The following KDM6A variants were observed in gnomAD, a reference collection of about 807,000 sequenced individuals.
KDM6A encodes the protein lysine demethylase 6A, also known as lysine-specific demethylase 6A.
A neutral mutation model predicts 117.6 loss-of-function variants in KDM6A; 11 were observed. The ratio of observed to expected loss-of-function variants is 0.09; its 90% CI spans 0.06 to 0.15. The LOEUF (loss-of-function observed/expected upper bound fraction) is 0.15, where lower values mean the gene tolerates loss of function less well. Among genes scored for constraint, KDM6A ranks in the 10% least tolerant of loss-of-function variants. The probability of loss-of-function intolerance (pLI) is 1.00; values close to 1 mark genes in which losing one functional copy is unlikely to be tolerated. For missense variants in KDM6A, 799 were observed against 1,077.3 expected (o/e 0.74, Z 3.62); for synonymous variants, 384 against 396.1 (o/e 0.97, Z 0.36).
intron 12 of KDM6A, 22 bp downstream of exon 12, chrX:45,059,488 T>A (rs2044216871): frequency 9.2e-7 from 1 of 1,081,170 alleles, no homozygotes; most frequent in African/African-American, 1.8e-5. Flanking sequence ...AAATGGCAGT[T>A]TTTTAAAGCC....
intron 24 of KDM6A, among the ~76,000 whole-genome samples, chrX:45,084,607 A>T (rs751432545): frequency 1.7e-4 from 19 of 111,240 alleles, no homozygotes; most frequent in African/African-American, 6.2e-4. Context: ...TGCTGATTTG[A>T]TTCTCTTGTC....
At chrX:44,995,185 C>T in intron 4 of KDM6A, among the ~76,000 whole-genome samples, 1 of 111,043 alleles carries the variant, frequency 9.0e-6, no homozygotes, top group Middle Eastern at 4.7e-3. Context: ...TTGGGTACAA[C>T]TCTGTGTGGT....
At chrX:44,933,565 G>A (rs1022426503) in intron 2 of KDM6A, among the ~76,000 whole-genome samples, 2 of 101,187 alleles carry the variant, frequency 2.0e-5, no homozygotes, top group Admixed American at 2.1e-4. Context: ...GAGCTACTGC[G>A]CCTGGCCGAT....
chrX:45,045,501 G>C (rs762220482), intron 8 of KDM6A, among the ~76,000 whole-genome samples: 1 of 105,943 alleles, frequency 9.4e-6, no homozygotes, highest in Admixed American at 1.0e-4. Flanking sequence ...CAGGAGAATC[G>C]CTTGAATCCA....
intron 2 of KDM6A, among the ~76,000 whole-genome samples, chrX:44,911,915 C>G (rs1290101064): frequency 9.3e-6 from 1 of 107,501 alleles, no homozygotes; most frequent in East Asian, 3.1e-4. Flanking sequence ...CAATCGCAGG[C>G]GCTTGGCAGG....
At chrX:45,091,924 G>T (rs957626339) in intron 27 of KDM6A, among the ~76,000 whole-genome samples, 1 of 111,489 alleles carries the variant, frequency 9.0e-6, no homozygotes, top group African/African-American at 3.3e-5. Context: ...AACAAAAGTT[G>T]TGTGGCCAAG....
In KDM6A at chrX:44,877,856, G is replaced by C. The variant is rs1258770178; in HGVS notation, c.225+3869G>C. Reference sequence around the variant, plus strand: ...AAAAATGTATGTGCTTTTTTCCGTAGGACATATTAGCATTAAAACAGTTGG... The same window carrying C: ...AAAAATGTATGTGCTTTTTTCCGTACGACATATTAGCATTAAAACAGTTGG... On this transcript the variant is annotated intron_variant, in intron 2 of 29. Transcript: ENST00000611820. 3.6e-5 allele frequency among the ~76,000 whole-genome samples: 4 copies of C among 110,969 alleles called. No homozygotes were observed. In the Admixed American group the frequency reaches 3.9e-4, roughly 11 times the overall value.
At chrX:45,007,673 G>GAA (rs1226233896) in intron 4 of KDM6A, among the ~76,000 whole-genome samples, 1 of 112,251 alleles carries the variant, frequency 8.9e-6, no homozygotes, top group African/African-American at 3.2e-5. Context: ...TGATAACAAG[G>GAA]AATACAGGCA....
intron 4 of KDM6A, among the ~76,000 whole-genome samples, chrX:45,010,064 A>G (rs2041684123): frequency 8.9e-6 from 1 of 112,293 alleles, no homozygotes; most frequent in South Asian, 3.7e-4. Flanking sequence ...GTTCACACAG[A>G]TCAGTATGAA....
chrX:44,926,171 A>G (rs2036291982), intron 2 of KDM6A, among the ~76,000 whole-genome samples: 2 of 108,692 alleles, frequency 1.8e-5, no homozygotes, highest in South Asian at 4.2e-4. Context: ...CCTGGGTTCA[A>G]GCGATTCTCG....
At chrX:45,103,427 C>A (rs888049008) in intron 27 of KDM6A, among the ~76,000 whole-genome samples, 1 of 111,031 alleles carries the variant, frequency 9.0e-6, no homozygotes, top group Non-Finnish European at 1.9e-5. Flanking sequence ...TTATGTGATT[C>A]TCTACCTCCC....
chrX:44,883,771 A>G (rs769407464), intron 2 of KDM6A, among the ~76,000 whole-genome samples: 1 of 111,640 alleles, frequency 9.0e-6, no homozygotes, highest in Admixed American at 9.6e-5. Context: ...TTTACCAGAC[A>G]TGTAGATGTA....
intron 2 of KDM6A, among the ~76,000 whole-genome samples, chrX:44,917,905 C>T (rs2035662551): frequency 8.9e-6 from 1 of 111,832 alleles, no homozygotes; most frequent in Non-Finnish European, 1.9e-5. Context: ...CGCATTCTTG[C>T]AATTCTTAAA....
intron 4 of KDM6A, among the ~76,000 whole-genome samples, chrX:45,007,436 C>G (rs1158042601): frequency 4.5e-5 from 5 of 112,249 alleles, no homozygotes; most frequent in African/African-American, 6.5e-5. Context: ...ATTGACATGG[C>G]TACATCCCCC....
intron 5 of KDM6A, among the ~76,000 whole-genome samples, chrX:45,017,910 C>T (rs751771386): frequency 2.7e-5 from 3 of 111,200 alleles, no homozygotes; most frequent in South Asian, 3.7e-4. Flanking sequence ...TGTGTCTTGA[C>T]GATAATAGTG....
At chrX:44,886,789 CCTA>C (rs1840555217) in intron 2 of KDM6A, among the ~76,000 whole-genome samples, 1 of 110,551 alleles carries the variant, frequency 9.0e-6, no homozygotes, top group African/African-American at 3.3e-5. Context: ...CCGCGCCCGG[CCTA>C]CTTACTATCT....
At chrX:44,930,324 G>A (rs1394026401) in intron 2 of KDM6A, among the ~76,000 whole-genome samples, 4 of 111,219 alleles carry the variant, frequency 3.6e-5, no homozygotes, top group Non-Finnish European at 7.6e-5. Flanking sequence ...TTTCTCTGAT[G>A]TATTGTGCTT....
intron 21 of KDM6A, 150 bp downstream of exon 21, chrX:45,079,501 ATATGTATGTATG>A (rs72270582): frequency 8.0e-4 from 340 of 424,589 alleles, no homozygotes; most frequent in African/African-American, 4.5e-3. Context: ...TCGTATGTAT[ATATGTATGTATG>A]TATGTATGTA....
chrX:44,962,053 A>G lies in KDM6A; in HGVS notation c.334+661A>G, dbSNP rs190367661. ...AAATCCACATTAAAAGAAAATTATT[A>G]TTATGACCAAGAACATTTTAACCTT... is the stretch of plus-strand genomic sequence containing the variant. On this transcript the variant is annotated intron_variant, in intron 3 of 29. Transcript: ENST00000611820. 4.5e-5 allele frequency among the ~76,000 whole-genome samples: 5 copies of G among 111,779 alleles called. No homozygotes were observed. The Admixed American group carries it at 4.8e-4, about 11-fold the overall frequency.
Sources: gnomAD v4.1 joint callset for allele counts (sites outside exome capture counted in the v4.1 genomes callset) on GRCh38, gnomAD v4.1.1 for gene constraint, MANE v1.5 for transcripts, NCBI Gene and HGNC (gene_info 2026-07-23, HGNC 2026-07-21) for gene names.